Variants in ATP6V1A observed in about 807,000 individuals in gnomAD.
The protein encoded by ATP6V1A is V-type proton ATPase catalytic subunit A.
A neutral mutation model predicts 70.1 loss-of-function variants in ATP6V1A; 18 were observed. That is an observed-to-expected ratio of 0.26 (90% CI 0.18 to 0.38). ATP6V1A has a LOEUF of 0.38. Among genes scored for constraint, ATP6V1A ranks in the 10% least tolerant of loss-of-function variants. The probability of loss-of-function intolerance (pLI) is 1.00; values close to 1 mark genes in which losing one functional copy is unlikely to be tolerated. For synonymous variants in ATP6V1A, 232 were observed against 253.8 expected (o/e 0.91, Z 0.82); for missense variants, 424 against 772.4 (o/e 0.55, Z 5.35).
chr3:113,774,527 A>G (rs1708886270), intron 1 of ATP6V1A, among the ~76,000 whole-genome samples: 1 of 152,104 alleles, frequency 6.6e-6, no homozygotes. Context: ...AATAAAAGGA[A>G]GCATTTGCTG....
At chr3:113,754,673 C>T (rs892308119) in intron 1 of ATP6V1A, among the ~76,000 whole-genome samples, 3 of 151,988 alleles carry the variant, frequency 2.0e-5, no homozygotes, top group Non-Finnish European at 4.4e-5. Flanking sequence ...GAGTGTAGAG[C>T]ACATTGCACA....
chr3:113,801,036 T>C (rs1205790707), intron 12 of ATP6V1A: 1 of 152,114 alleles, frequency 6.6e-6, no homozygotes, highest in African/African-American at 2.4e-5. Context: ...GGGCCTGTAG[T>C]CCCAGCTACT....
At position 113,806,800 on chromosome 3, in the gene ATP6V1A, A is replaced by G. The variant is rs556733189; in HGVS notation, c.1761+1275A>G. On this transcript the variant is annotated intron_variant, in intron 14 of 14. Coordinates refer to ENST00000273398, the MANE Select transcript of ATP6V1A (RefSeq NM_001690.4). ...AGTGGCCTCTTGTTCTTTTGGAAGT[A>G]CACAAGATAAAAATAGATAATTAAA... Among the ~76,000 whole-genome samples, 50 of 152,296 alleles carry G rather than the reference A, an allele frequency of 3.3e-4. 2 individuals are homozygous for G. The South Asian group carries it at 9.1e-3, about 28-fold the overall frequency.
chr3:113,795,129 C>T lies in ATP6V1A; in HGVS notation c.1151C>T (p.Ser384Leu), dbSNP rs769741168. The change falls in exon 10 of 15, where the codon TCG becomes TTG. Residue 384 changes from serine to leucine, a missense_variant. Coordinates refer to ENST00000273398, the MANE Select transcript of ATP6V1A (RefSeq NM_001690.4). ...YPAYLGARLA[S>L]FYERAGRVKC... Reference sequence around the variant, plus strand: ...GCCTATCTTGGTGCCCGTCTGGCCTCGTTTTATGAACGAGCAGGCAGGGTG... The same window carrying T: ...GCCTATCTTGGTGCCCGTCTGGCCTTGTTTTATGAACGAGCAGGCAGGGTG... The T allele has an allele frequency of 4.3e-6, 7 of 1,614,036 alleles. No homozygotes were observed. Among genetic ancestry groups the T allele is most frequent in the South Asian group, 1.1e-5 (1 of 91,078 alleles).
At chr3:113,784,640 GGCAAGTCTACTTGACATTTATTT>G in intron 4 of ATP6V1A, 33 bp from the exon 5 acceptor site, 1 of 1,587,678 alleles carries the variant, frequency 6.3e-7, no homozygotes, top group South Asian at 1.1e-5. Context: ...TAGCAGCAGG[GGCAAGTCTACTTGACATTTATTT>G]GCAAATTAAA....
intron 5 of ATP6V1A, among the ~76,000 whole-genome samples, chr3:113,785,834 T>G (rs1033702016): frequency 6.6e-6 from 1 of 151,032 alleles, no homozygotes. Flanking sequence ...ATTTAACTAT[T>G]TCTTTGTTGC....
chr3:113,810,799 C>CATTT lies in ATP6V1A; in HGVS notation c.*1372_*1373insATTT, dbSNP rs1709333734. 1 of 152,114 alleles carries CATTT rather than the reference C, an allele frequency of 6.6e-6. No individual in the cohort carries two copies. The highest frequency in any genetic ancestry group is 6.6e-5 in the Admixed American group (1 of 15,260). 9.4% of individuals were successfully genotyped at this position (152,114 alleles called of 1,614,324 possible). A position where few individuals can be genotyped will look rare whatever the true frequency, so the allele number is the denominator to read the frequency against. On this transcript the variant is annotated 3_prime_UTR_variant, in exon 15 of 15. Coordinates refer to ENST00000273398, the MANE Select transcript of ATP6V1A (RefSeq NM_001690.4). ...TGTCACATGTTTGCATGTTTGTTTG[C>CATTT]TTGTTGAATTTTTGAACAGCCAGTT...
chr3:113,766,991 T>C (rs1430744280), intron 1 of ATP6V1A, among the ~76,000 whole-genome samples: 4 of 152,040 alleles, frequency 2.6e-5, no homozygotes, highest in African/African-American at 9.7e-5. Flanking sequence ...ACCTATTTCA[T>C]AGGACTAGTG....
chr3:113,788,710 T>A lies in ATP6V1A; in HGVS notation c.717-3T>A, dbSNP rs867349397. On this transcript the variant is annotated splice_polypyrimidine_tract_variant and splice_region_variant and intron_variant, in intron 6 of 14. Transcript: ENST00000273398. ...TAATCCATACTTTGTTTTCTTTGTT[T>A]AGGTGTGTCCAGGGAGGAACTACTG... 1 of 1,609,512 alleles carries A rather than the reference T, an allele frequency of 6.2e-7. No homozygotes were observed. The highest frequency in any genetic ancestry group is 1.7e-4 in the Middle Eastern group (1 of 6,006).
At chr3:113,795,293 A>C in intron 10 of ATP6V1A, 89 bp downstream of exon 10, 1 of 1,369,994 alleles carries the variant, frequency 7.3e-7, no homozygotes, top group African/African-American at 1.5e-5. Context: ...TAAAGAGAGA[A>C]TATTTAGCTC....
At position 113,789,709 on chromosome 3, in the gene ATP6V1A, A is replaced by G. The variant is rs760607375; in HGVS notation, c.880-23A>G. 6 of 1,524,634 alleles carry G rather than the reference A, an allele frequency of 3.9e-6. No homozygotes were observed. In the South Asian group the frequency reaches 5.8e-5, roughly 15 times the overall value. The allele number at this position is 1,524,634 out of a possible 1,614,324, so 94.4% of individuals were successfully genotyped here. A position where few individuals can be genotyped will look rare whatever the true frequency, so the allele number is the denominator to read the frequency against. On this transcript the variant is annotated intron_variant, in intron 7 of 14. Transcript: ENST00000273398. Reference sequence around the variant, plus strand: ...ATGTTACCTTAGAAATTGGAGATTCACTAATATATATTTTACCTCTAGCTC... The same window carrying G: ...ATGTTACCTTAGAAATTGGAGATTCGCTAATATATATTTTACCTCTAGCTC...
At chr3:113,754,542 G>GAAA (rs908193715) in intron 1 of ATP6V1A, among the ~76,000 whole-genome samples, 20 of 140,822 alleles carry the variant, frequency 1.4e-4, no homozygotes, top group Non-Finnish European at 3.1e-4. Flanking sequence ...TCAAAAGTAA[G>GAAA]AAAAAAAAAA....
chr3:113,786,970 G>A (rs770485231), intron 6 of ATP6V1A, among the ~76,000 whole-genome samples: 13 of 151,978 alleles, frequency 8.6e-5, no homozygotes, highest in Non-Finnish European at 1.6e-4. Context: ...GGTAGAGACC[G>A]GGTTTGACTA....
At chr3:113,802,785 C>G (rs1379235722) in intron 12 of ATP6V1A, 7 of 152,374 alleles carry the variant, frequency 4.6e-5, no homozygotes, top group African/African-American at 1.4e-4. Flanking sequence ...ACCCCAGCCT[C>G]CCAAGTAGCT....
At chr3:113,788,902 C>A in intron 7 of ATP6V1A, 27 bp downstream of exon 7, 1 of 1,595,914 alleles carries the variant, frequency 6.3e-7, no homozygotes, top group Non-Finnish European at 8.6e-7. Context: ...AAATAATATC[C>A]TAGAGAAAAT....
At chr3:113,769,725 G>A (rs1162192255) in intron 1 of ATP6V1A, among the ~76,000 whole-genome samples, 1 of 152,118 alleles carries the variant, frequency 6.6e-6, no homozygotes, top group Non-Finnish European at 1.5e-5. Flanking sequence ...TGCCTGTTGG[G>A]GAGAGGCTGA....
rs78414186 is a variant in ATP6V1A, at chr3:113,748,700, C to T, written c.-14+1587C>T. ...ATACATAACCTAGCTTATTGATGCT[C>T]CTTAGTAGAAAACATAACCTCGGAG... On this transcript the variant is annotated intron_variant, in intron 1 of 14. Coordinates refer to ENST00000273398, the MANE Select transcript of ATP6V1A (RefSeq NM_001690.4). 2.0e-3 allele frequency among the ~76,000 whole-genome samples: 301 copies of T among 152,280 alleles called. 1 individual carries two copies. Among genetic ancestry groups the T allele is most frequent in the Non-Finnish European group, 3.5e-3 (239 of 68,022 alleles).
At chr3:113,771,153 A>T (rs1708834934) in intron 1 of ATP6V1A, among the ~76,000 whole-genome samples, 1 of 152,032 alleles carries the variant, frequency 6.6e-6, no homozygotes, top group African/African-American at 2.4e-5. Context: ...TGCTTATTGA[A>T]AGTTGGTGTT....
chr3:113,765,645 C>T (rs530536377), intron 1 of ATP6V1A, among the ~76,000 whole-genome samples: 3 of 144,350 alleles, frequency 2.1e-5, no homozygotes, highest in Admixed American at 7.0e-5. Context: ...TGGCCGGGCG[C>T]GGTGGCTCGG....
Sources: gnomAD v4.1 joint callset for allele counts (sites outside exome capture counted in the v4.1 genomes callset) on GRCh38, gnomAD v4.1.1 for gene constraint, MANE v1.5 for transcripts, NCBI Gene and HGNC (gene_info 2026-07-23, HGNC 2026-07-21) for gene names.